The following HSH2D variants were observed in gnomAD, a reference collection of about 807,000 sequenced individuals.
HSH2D encodes the protein hematopoietic SH2 domain containing.
HSH2D carries 16 observed loss-of-function variants against 21.5 expected under a neutral mutation model. That is an observed-to-expected ratio of 0.74 (90% CI 0.50 to 1.13). The LOEUF (loss-of-function observed/expected upper bound fraction) is 1.13, where lower values mean the gene tolerates loss of function less well. Among genes scored for constraint, HSH2D ranks in the 50% most tolerant of loss-of-function variants. HSH2D has a pLI of 0.00. For missense variants in HSH2D, 418 were observed against 441.4 expected (o/e 0.95, Z 0.47); for synonymous variants, 172 against 184.7 (o/e 0.93, Z 0.56).
At chr19:16,136,003 G>A (rs1189509768) in intron 1 of HSH2D, among the ~76,000 whole-genome samples, 1 of 152,084 alleles carries the variant, frequency 6.6e-6, no homozygotes, top group Non-Finnish European at 1.5e-5. Flanking sequence ...TGCAGCCTAG[G>A]GGGCAGCTCC....
chr19:16,154,296 A>C lies in HSH2D; in HGVS notation c.382-103A>C, dbSNP rs2091208854. 3 of 690,222 alleles carry C rather than the reference A, an allele frequency of 4.3e-6. No individual in the cohort carries two copies. The East Asian group carries it at 8.5e-5, about 20-fold the overall frequency. The allele number at this position is 690,222 out of a possible 1,614,324, so 42.8% of individuals were successfully genotyped here. ...TAGTGGGCGTGGCCTAGGTACTAAG[A>C]AACTGCTATTCAAGGGATGGTCCCT... On this transcript the variant is annotated intron_variant, in intron 4 of 5. Transcript: ENST00000613986.
Position 16,154,411 on chromosome 19 carries a change from A to G in HSH2D, c.394A>G (p.Asn132Asp). ...TQPCRQKDPA[N>D]VDYEDLFLYS... ...TTCCGCCCTGCAGAAGGATCCCGCA[A>G]ACGTGGATTACGAGGATCTCTTCCT... Residue 132 changes from asparagine (N) to aspartate (D), a missense_variant, in exon 5 of 6, where the codon AAC becomes GAC. Coordinates refer to ENST00000613986, the MANE Select transcript of HSH2D (RefSeq NM_001382417.1). The G allele has an allele frequency of 6.4e-7, 1 of 1,551,016 alleles. No individual in the cohort carries two copies.
chr19:16,137,279 T>A (rs550939554), intron 1 of HSH2D, among the ~76,000 whole-genome samples: 1 of 152,076 alleles, frequency 6.6e-6, no homozygotes, highest in Admixed American at 6.6e-5. Context: ...TAGGCTGATA[T>A]CAGCATCATC....
At chr19:16,154,346 C>G in intron 4 of HSH2D, 53 bp from the exon 5 acceptor site, 1 of 1,282,326 alleles carries the variant, frequency 7.8e-7, no homozygotes. Context: ...AGGGTCCGTG[C>G]AGGACCTTTC....
Position 16,156,004 on chromosome 19 carries a change from G to T in HSH2D, c.475-1206G>T, listed in dbSNP as rs75262199. Among the ~76,000 whole-genome samples the T allele has an allele frequency of 4.6e-3, 700 of 151,850 alleles. 6 individuals carry two copies. The highest frequency in any genetic ancestry group is 0.016 in the African/African-American group (665 of 41,482). On this transcript the variant is annotated intron_variant, in intron 5 of 5. Transcript: ENST00000613986. ...GAAAGAAGGAGGAAGTGAGGTGGGG[G>T]TGGAGGACAGTGTCAAGGTGGGAGG...
In HSH2D at chr19:16,157,930, T is replaced by A. The variant is rs796551088; in HGVS notation, c.*136T>A. 6.9e-5 allele frequency: 45 copies of A among 655,212 alleles called. No homozygotes were observed. In the African/African-American group the frequency reaches 7.7e-4, roughly 11 times the overall value. 40.6% of individuals were successfully genotyped at this position (655,212 alleles called of 1,614,324 possible). A position where few individuals can be genotyped will look rare whatever the true frequency, so the allele number is the denominator to read the frequency against. ...ACCCGGGAAATGGAATAAAGATGTT[T>A]TTGGGGTCTGTTCCTGCACTCACCC... On this transcript the variant is annotated 3_prime_UTR_variant, in exon 6 of 6. Coordinates refer to ENST00000613986, the MANE Select transcript of HSH2D (RefSeq NM_001382417.1). This position sits in a 1 kb window ranked among gnomAD's most constrained non-coding sequence, Gnocchi z 4.4.
rs978492165 is a variant in HSH2D at position 16,153,218 on chromosome 19, G to A, written c.381+10G>A. On this transcript the variant is annotated intron_variant, in intron 4 of 5. Coordinates refer to ENST00000613986, the MANE Select transcript of HSH2D (RefSeq NM_001382417.1). The stretch of plus-strand genomic sequence containing the variant: ...ACAGCCCTGCAGGCAGGTGAGGGCG[G>A]GGACCCACAAGGTTCACAGCCATTT... 5.3e-6 allele frequency: 8 copies of A among 1,512,082 alleles called. No individual in the cohort carries two copies. The highest frequency in any genetic ancestry group is 6.2e-6 in the Non-Finnish European group (7 of 1,132,338). 93.7% of individuals were successfully genotyped at this position (1,512,082 alleles called of 1,614,324 possible).
rs2091260633 is a variant in HSH2D, at chr19:16,158,018, G to C, written c.*224G>C. 1.9e-6 allele frequency: 1 copy of C among 513,420 alleles called. No homozygotes were observed. Among genetic ancestry groups the C allele is most frequent in the Non-Finnish European group, 3.4e-6 (1 of 291,476 alleles). The allele number at this position is 513,420 out of a possible 1,614,324, so 31.8% of individuals were successfully genotyped here. On this transcript the variant is annotated 3_prime_UTR_variant, in exon 6 of 6. Coordinates refer to ENST00000613986, the MANE Select transcript of HSH2D (RefSeq NM_001382417.1). ...GTGACGCTGATGGTTTGGGGCACCA[G>C]CTATACATCAGCCCCAGTGCCAGAC...
Position 16,153,130 on chromosome 19 carries a change from GCTGGACGCC to G in HSH2D, c.308_316del (p.Asp103_Leu105del). On this transcript the variant is annotated inframe_deletion, in exon 4 of 6. Transcript: ENST00000613986. ...CCGGGGAGAAGGTGGCCCACACCTC[GCTGGACGCC>G]CTGGTCACCTTCCACCAGCAGAAGC... 6.3e-7 allele frequency: 1 copy of G among 1,596,766 alleles called. No individual in the cohort carries two copies. The highest frequency in any genetic ancestry group is 8.5e-7 in the Non-Finnish European group (1 of 1,172,314).
In HSH2D at chr19:16,157,532, C is replaced by G; in HGVS notation, c.797C>G (p.Thr266Arg). The part of the protein sequence containing the change: ...GDPTSGDRGY[T>R]DPCVATSLKS... ...CCCACCTCGGGGGACAGAGGCTACA[C>G]GGATCCCTGTGTGGCCACATCTCTC... The change falls in exon 6 of 6, where the codon ACG becomes AGG. Residue 266 changes from threonine to arginine, a missense_variant. Coordinates refer to ENST00000613986, the MANE Select transcript of HSH2D (RefSeq NM_001382417.1). This position sits in a 1 kb window ranked among gnomAD's most constrained non-coding sequence, Gnocchi z 4.4. The G allele has an allele frequency of 6.2e-7, 1 of 1,613,922 alleles. No homozygotes were observed. Among genetic ancestry groups the G allele is most frequent in the Non-Finnish European group, 8.5e-7 (1 of 1,179,852 alleles).
Position 16,157,294 on chromosome 19 carries a change from A to T in HSH2D, c.559A>T (p.Thr187Ser). The T allele has an allele frequency of 6.2e-7, 1 of 1,611,606 alleles. No homozygotes were observed. The highest frequency in any genetic ancestry group is 8.5e-7 in the Non-Finnish European group (1 of 1,179,156). Residue 187 changes from threonine to serine, a missense_variant, in exon 6 of 6, where the codon ACT (threonine) becomes TCT (serine). Thr to Ser is a moderately conservative substitution (Grantham distance 58). Coordinates refer to ENST00000613986, the MANE Select transcript of HSH2D (RefSeq NM_001382417.1). The surrounding 1 kb of genome is among the most constrained non-coding windows in gnomAD (Gnocchi z 4.4). ...EMNRITTKEA[T>S]SSCPPKSPLG... ...GAACAGAATAACCACCAAGGAAGCCACTTCCTCCTGCCCCCCAAAATCCCC... is the reference window on the plus strand; with the variant it reads ...GAACAGAATAACCACCAAGGAAGCCTCTTCCTCCTGCCCCCCAAAATCCCC...
At chr19:16,141,652 G>A (rs537543801), upstream of HSH2D, among the ~76,000 whole-genome samples, 38 of 152,244 alleles carry the variant, frequency 2.5e-4, no homozygotes, top group African/African-American at 4.1e-4. Context: ...AAGCTGGCAC[G>A]GCGGCCCACA....
chr19:16,156,282 C>T (rs893457123), intron 5 of HSH2D, among the ~76,000 whole-genome samples: 6 of 151,476 alleles, frequency 4.0e-5, no homozygotes, highest in Non-Finnish European at 8.8e-5. Context: ...CCTGGGAGGT[C>T]GAGGCTGCAG....
chr19:16,138,533 C>T (rs1444259780), intron 1 of HSH2D, among the ~76,000 whole-genome samples: 2 of 152,158 alleles, frequency 1.3e-5, no homozygotes, highest in Non-Finnish European at 2.9e-5. Context: ...TCTCAGCTCA[C>T]TGCACCCTCC....
rs189814767 is a variant in HSH2D at position 16,136,569 on chromosome 19, G to A, written c.-324+2334G>A. 1.0e-3 allele frequency among the ~76,000 whole-genome samples: 155 copies of A among 152,242 alleles called. 1 individual carries two copies. Among genetic ancestry groups the A allele is most frequent in the African/African-American group, 3.6e-3 (149 of 41,544 alleles). Reference sequence around the variant, plus strand: ...CTAACAAAAAGCAGTCTGAGAAATCGAGCTGCAGACATAGATAAGCGAGCT... The same window carrying A: ...CTAACAAAAAGCAGTCTGAGAAATCAAGCTGCAGACATAGATAAGCGAGCT... On this transcript the variant is annotated intron_variant, in intron 1 of 7. Transcript: ENST00000616645.
intron 4 of HSH2D, among the ~76,000 whole-genome samples, chr19:16,154,142 A>C (rs1208547751): frequency 2.0e-5 from 3 of 151,184 alleles, no homozygotes; most frequent in African/African-American, 7.3e-5. Context: ...TTTCCTTAGA[A>C]GGCTCAGTGG....
In HSH2D at chr19:16,148,774, C is replaced by T; in HGVS notation, c.24C>T (p.Pro8=). The part of the protein sequence containing the change: MTEAGKL[P]LPLPPRLDWF... ...CTATGACAGAGGCCGGGAAGCTGCC[C>T]CTACCGCTACCCCCACGGCTGGACT... Residue 8 remains proline (P), a synonymous_variant, in exon 2 of 6, where the codon CCC becomes CCT. Coordinates refer to ENST00000613986, the MANE Select transcript of HSH2D (RefSeq NM_001382417.1). The T allele has an allele frequency of 1.2e-6, 2 of 1,613,976 alleles. No individual in the cohort carries two copies. The highest frequency in any genetic ancestry group is 1.7e-6 in the Non-Finnish European group (2 of 1,179,884).
At chr19:16,151,702 C>G in intron 2 of HSH2D, 1 of 389,512 alleles carries the variant, frequency 2.6e-6, no homozygotes, top group South Asian at 1.8e-5. Flanking sequence ...GGTCATCAGA[C>G]GCCTCCTAGC....
upstream of HSH2D, among the ~76,000 whole-genome samples, chr19:16,143,272 C>T (rs377489112): frequency 1.1e-3 from 163 of 152,192 alleles, no homozygotes; most frequent in Middle Eastern, 3.4e-3. Context: ...TTAATAGAGA[C>T]GGGGTTTTGC....
Sources: gnomAD v4.1 joint callset for allele counts (sites outside exome capture counted in the v4.1 genomes callset) on GRCh38, gnomAD v4.1.1 for gene constraint, Gnocchi (gnomAD v3.1) non-coding constraint, MANE v1.5 for transcripts, NCBI Gene and HGNC (gene_info 2026-07-23, HGNC 2026-07-21) for gene names.